The following SIPA1L1 variants were observed in gnomAD, a reference collection of about 807,000 sequenced individuals.
SIPA1L1 encodes the protein signal induced proliferation associated 1 like 1, also known as signal-induced proliferation-associated 1-like protein 1.
In SIPA1L1, 26 loss-of-function variants were observed where a neutral mutation model predicts 162.7. The ratio of observed to expected loss-of-function variants is 0.16; its 90% CI spans 0.12 to 0.22. The LOEUF is 0.22. Among genes scored for constraint, SIPA1L1 ranks in the 10% least tolerant of loss-of-function variants. The probability of loss-of-function intolerance (pLI) is 1.00; values close to 1 mark genes in which losing one functional copy is unlikely to be tolerated. For synonymous variants in SIPA1L1, 829 were observed against 837.4 expected (o/e 0.99, Z 0.17); for missense variants, 1,874 against 2,241.0 (o/e 0.84, Z 3.31).
chr14:71,440,646 CAAAAAAAAAAAA>C (rs397853535), intron 2 of SIPA1L1, among the ~76,000 whole-genome samples: 63 of 55,690 alleles, frequency 1.1e-3, no homozygotes, highest in African/African-American at 4.8e-3. Context: ...GAACCCATCT[CAAAAAAAAAAAA>C]AAAAAAAAAA....
intron 2 of SIPA1L1, among the ~76,000 whole-genome samples, chr14:71,469,871 C>T (rs2047314537): frequency 6.6e-6 from 1 of 152,166 alleles, no homozygotes; most frequent in African/African-American, 2.4e-5. Context: ...ATTCATAAGT[C>T]ATGCTCCGTC....
At chr14:71,532,004 A>G (rs902309016) in intron 4 of SIPA1L1, among the ~76,000 whole-genome samples, 5 of 152,094 alleles carry the variant, frequency 3.3e-5, no homozygotes, top group African/African-American at 1.2e-4. Context: ...ATTTACAACA[A>G]TATAATTTCT....
chr14:71,502,513 A>AGTGCT (rs113911739), intron 2 of SIPA1L1, among the ~76,000 whole-genome samples: 6,400 of 151,802 alleles, frequency 0.042, 263 homozygotes, highest in African/African-American at 0.11. Flanking sequence ...AACCTCCCAA[A>AGTGCT]GGGATTACAG....
intron 16 of SIPA1L1, among the ~76,000 whole-genome samples, chr14:71,707,810 T>A (rs558087854): frequency 6.6e-6 from 1 of 151,664 alleles, no homozygotes; most frequent in Admixed American, 6.6e-5. Context: ...TTCTCTTGGG[T>A]ATATATATAT....
At chr14:71,638,485 G>T (rs1400308329) in intron 7 of SIPA1L1, among the ~76,000 whole-genome samples, 1 of 152,172 alleles carries the variant, frequency 6.6e-6, no homozygotes, top group Non-Finnish European at 1.5e-5. Flanking sequence ...GATAAAATTT[G>T]AACTTATTTA....
intron 2 of SIPA1L1, among the ~76,000 whole-genome samples, chr14:71,368,138 T>C (rs1488855836): frequency 6.9e-6 from 1 of 144,462 alleles, no homozygotes; most frequent in African/African-American, 2.5e-5. Context: ...ATTTTTGTGG[T>C]ATTCTTTTTT....
intron 17 of SIPA1L1, among the ~76,000 whole-genome samples, chr14:71,721,679 T>C (rs1358261391): frequency 6.6e-6 from 1 of 152,212 alleles, no homozygotes; most frequent in Non-Finnish European, 1.5e-5. Flanking sequence ...TTTCCTTTCC[T>C]TTCCCTAAGT....
chr14:71,497,401 A>G (rs964951735), intron 2 of SIPA1L1, among the ~76,000 whole-genome samples: 27 of 152,224 alleles, frequency 1.8e-4, no homozygotes, highest in African/African-American at 4.6e-4. Flanking sequence ...AAATACATGT[A>G]TGGATTTTTG....
intron 5 of SIPA1L1, among the ~76,000 whole-genome samples, chr14:71,600,963 A>G (rs1448887738): frequency 6.6e-6 from 1 of 152,202 alleles, no homozygotes; most frequent in Non-Finnish European, 1.5e-5. Flanking sequence ...ATGCAACTTT[A>G]TTGAATTTAA....
At chr14:71,407,413 CCCTTCCTT>C (rs112922074) in intron 2 of SIPA1L1, among the ~76,000 whole-genome samples, 74 of 149,170 alleles carry the variant, frequency 5.0e-4, no homozygotes, top group Admixed American at 1.1e-3. Context: ...CTTTCTCTTT[CCCTTCCTT>C]CCTTCCTTCC....
Position 71,588,387 on chromosome 14 carries a change from A to C in SIPA1L1, c.515A>C (p.Gln172Pro). The part of the protein sequence containing the change: ...SPRKALRRIR[Q>P]RSNSDITISE... ...AGAAAAGCTCTTCGCAGAATACGCCAGCGAAGCAACAGTGATATCACCATA... is the reference window on the plus strand; with the variant it reads ...AGAAAAGCTCTTCGCAGAATACGCCCGCGAAGCAACAGTGATATCACCATA... The change falls in exon 5 of 24, where the codon CAG (glutamine) becomes CCG (proline). Residue 172 changes from glutamine (Q) to proline (P), a missense_variant. By Grantham distance (76) the Gln-to-Pro change is moderately conservative. Around this residue, in one of 5 missense-constraint regions of SIPA1L1, gnomAD observed 685 missense variants for 828.0 expected, o/e 0.83. Transcript: ENST00000381232. This position sits in a 1 kb window ranked among gnomAD's most constrained non-coding sequence, Gnocchi z 4.3. 6.2e-7 allele frequency: 1 copy of C among 1,614,080 alleles called. No homozygotes were observed.
intron 14 of SIPA1L1, among the ~76,000 whole-genome samples, chr14:71,699,680 G>T (rs1370807088): frequency 6.6e-6 from 1 of 152,180 alleles, no homozygotes; most frequent in African/African-American, 2.4e-5. Context: ...AATTATGGAG[G>T]TAAGGAGGCC....
intron 4 of SIPA1L1, among the ~76,000 whole-genome samples, chr14:71,567,567 T>A (rs1422175034): frequency 1.3e-5 from 2 of 151,328 alleles, no homozygotes; most frequent in East Asian, 1.9e-4. Context: ...AAACTTATAG[T>A]TATTTCTTGA....
chr14:71,467,006 A>G (rs1191513870), intron 2 of SIPA1L1, among the ~76,000 whole-genome samples: 1 of 152,234 alleles, frequency 6.6e-6, no homozygotes, highest in Non-Finnish European at 1.5e-5. Context: ...AACGCAAACT[A>G]TTTTATCTCA....
chr14:71,567,578 T>G (rs931421317), intron 4 of SIPA1L1, among the ~76,000 whole-genome samples: 1 of 151,578 alleles, frequency 6.6e-6, no homozygotes, highest in African/African-American at 2.4e-5. Flanking sequence ...TATTTCTTGA[T>G]TATATACTAA....
intron 4 of SIPA1L1, among the ~76,000 whole-genome samples, chr14:71,587,102 T>G (rs1269611672): frequency 1.3e-5 from 2 of 152,230 alleles, no homozygotes; most frequent in South Asian, 2.1e-4. Flanking sequence ...AAAAAGTGAT[T>G]GTTGCAGCAT....
chr14:71,563,834 C>T (rs575839053), intron 4 of SIPA1L1, among the ~76,000 whole-genome samples: 9 of 152,230 alleles, frequency 5.9e-5, no homozygotes, highest in African/African-American at 2.2e-4. Context: ...ATTCTTACTG[C>T]ACTGTATGTA....
intron 3 of SIPA1L1, among the ~76,000 whole-genome samples, chr14:71,515,225 T>C (rs1398146675): frequency 6.6e-6 from 1 of 152,236 alleles, no homozygotes; most frequent in Non-Finnish European, 1.5e-5. Context: ...CTTTCTGATT[T>C]ATTCAGAGTG....
At chr14:71,341,562 G>A (rs545484368) in intron 2 of SIPA1L1, among the ~76,000 whole-genome samples, 31 of 152,250 alleles carry the variant, frequency 2.0e-4, no homozygotes, top group African/African-American at 7.2e-4. Flanking sequence ...TGGGTATGTT[G>A]TGTGATGCTG....
Sources: gnomAD v4.1 joint callset for allele counts (sites outside exome capture counted in the v4.1 genomes callset) on GRCh38, gnomAD v4.1.1 for gene constraint, gnomAD v4.1.1 regional missense constraint, Gnocchi (gnomAD v3.1) non-coding constraint, MANE v1.5 for transcripts, NCBI Gene and HGNC (gene_info 2026-07-23, HGNC 2026-07-21) for gene names.